The following SYT8 variants were observed in gnomAD, a reference collection of about 807,000 sequenced individuals.
SYT8 encodes the protein synaptotagmin-8.
Under a neutral mutation model 34.9 loss-of-function variants are expected in SYT8, and 50 were observed. The ratio of observed to expected loss-of-function variants is 1.43; its 90% CI spans 1.14 to 1.81. The LOEUF is 1.81. SYT8 is among the 40% of genes most tolerant of loss of function. The probability of loss-of-function intolerance (pLI) is 0.00; values close to 1 mark genes in which losing one functional copy is unlikely to be tolerated. For missense variants in SYT8, 595 were observed against 529.0 expected, an observed-to-expected ratio of 1.12 and a Z score of -1.22; for synonymous variants, 255 against 234.2, an observed-to-expected ratio of 1.09 and a Z score of -0.81.
intron 7 of SYT8, 43 bp downstream of exon 7, chr11:1,837,133 G>C: frequency 6.2e-7 from 1 of 1,605,176 alleles, no homozygotes; most frequent in Non-Finnish European, 8.5e-7. Flanking sequence ...CCCAGTGCCA[G>C]ACCACGATGA....
chr11:1,834,495 G>C (rs180969797), upstream of SYT8: 9 of 1,406,802 alleles, frequency 6.4e-6, no homozygotes, highest in Admixed American at 1.4e-4. This position sits in a 1 kb window ranked among gnomAD's most constrained non-coding sequence, Gnocchi z 4.5. Context: ...GAGCTCCGCC[G>C]ACAGCCAGCC....
upstream of SYT8, among the ~76,000 whole-genome samples, chr11:1,832,174 G>C (rs531605828): frequency 5.7e-4 from 87 of 152,334 alleles, 1 homozygote; most frequent in Non-Finnish European, 8.8e-4. Flanking sequence ...GGGGGTCCTG[G>C]GGTGACCAGG....
At chr11:1,834,921 C>T, upstream of SYT8, 1 of 648,652 alleles carries the variant, frequency 1.5e-6, no homozygotes, top group Non-Finnish European at 2.6e-6. This position sits in a 1 kb window ranked among gnomAD's most constrained non-coding sequence, Gnocchi z 4.5. Context: ...CCAGAGCCTC[C>T]CTCCCTTCAG....
chr11:1,834,399 T>C, upstream of SYT8: 1 of 666,314 alleles, frequency 1.5e-6, no homozygotes, highest in South Asian at 1.6e-5. The surrounding 1 kb of genome is among the most constrained non-coding windows in gnomAD (Gnocchi z 4.5). Flanking sequence ...ACCCTGCCCC[T>C]ACCTGCCACC....
rs1846981077 is a variant in SYT8, at chr11:1,837,020, C to A, written c.854C>A (p.Thr285Asn). Residue 285 changes from threonine to asparagine, a missense_variant, in exon 7 of 8, where the codon ACC becomes AAC. By Grantham distance (65) the Thr-to-Asn change is moderately conservative. Transcript: ENST00000341958. ...QRKWKKRKTA[T>N]KKGTAAPYFN... ...AAGTGGAAGAAGAGAAAGACAGCCA[C>A]CAAAAAGGGCACGGCGGCCCCCTAC... 2 of 1,613,770 alleles carry A rather than the reference C, an allele frequency of 1.2e-6. No individual in the cohort carries two copies. The highest frequency in any genetic ancestry group is 1.1e-5 in the South Asian group (1 of 91,094).
At chr11:1,832,121 C>T (rs1846688412), upstream of SYT8, among the ~76,000 whole-genome samples, 1 of 152,166 alleles carries the variant, frequency 6.6e-6, no homozygotes, top group South Asian at 2.1e-4. Context: ...GGGCTGGGGG[C>T]CCTAACGGGG....
chr11:1,836,399 G>A, intron 4 of SYT8, 26 bp from the exon 5 acceptor site: 1 of 1,521,302 alleles, frequency 6.6e-7, no homozygotes, highest in Non-Finnish European at 8.8e-7. Context: ...TAGGGCAGCA[G>A]GGCCTGGCTC....
upstream of SYT8, chr11:1,834,207 G>A (rs569474991): frequency 2.8e-4 from 105 of 376,820 alleles, no homozygotes; most frequent in African/African-American, 2.0e-3. This position sits in a 1 kb window ranked among gnomAD's most constrained non-coding sequence, Gnocchi z 4.5. Flanking sequence ...GGTGACAGGA[G>A]CCAGCCCAGC....
upstream of SYT8, among the ~76,000 whole-genome samples, chr11:1,832,486 G>A (rs1214873999): frequency 6.6e-6 from 1 of 152,202 alleles, no homozygotes; most frequent in Non-Finnish European, 1.5e-5. Flanking sequence ...GCAGCCCCGG[G>A]AGGCTCAGGC....
At chr11:1,834,295 C>T (rs1318421793), upstream of SYT8, 2 of 542,748 alleles carry the variant, frequency 3.7e-6, no homozygotes, top group Non-Finnish European at 6.5e-6. This position sits in a 1 kb window ranked among gnomAD's most constrained non-coding sequence, Gnocchi z 4.5. Flanking sequence ...TTCCTTCCCA[C>T]CCACATGCCG....
rs187463888 is a variant in SYT8, at chr11:1,836,659, C to T, written c.684+67C>T. The T allele has an allele frequency of 1.3e-4, 209 of 1,592,910 alleles. 1 individual carries two copies. The East Asian group carries it at 1.9e-3, about 14-fold the overall frequency. The stretch of plus-strand genomic sequence containing the variant: ...GCAGGGACCCTGCCCTATGGGCCAT[C>T]GGAAAGACAGGCCTGATGGGCAGCA... On this transcript the variant is annotated intron_variant, in intron 5 of 7. Transcript: ENST00000341958.
rs1295715387 is a variant in SYT8, at chr11:1,836,480, A to AAC, written c.572_573insAC (p.Phe193AlafsTer57). 9.9e-6 allele frequency: 16 copies of AAC among 1,610,388 alleles called. No homozygotes were observed. Among genetic ancestry groups the AAC allele is most frequent in the Non-Finnish European group, 1.3e-5 (15 of 1,179,246 alleles). On this transcript the variant is annotated frameshift_variant, in exon 5 of 8. Transcript: ENST00000341958. LOFTEE classifies it high-confidence loss of function. The stretch of plus-strand genomic sequence containing the variant: ...CTGCAGGTGCAGCTTTTCAACTTCA[A>AAC]GCGCTTCTCGGGGCATGAGCCCCTG...
At chr11:1,835,495 G>C in intron 2 of SYT8, 36 bp downstream of exon 2, 2 of 1,604,938 alleles carry the variant, frequency 1.2e-6, no homozygotes, top group Non-Finnish European at 1.7e-6. Context: ...AGTCCAGAGA[G>C]GGCTTGAAAT....
chr11:1,837,026 A>T lies in SYT8; in HGVS notation c.860A>T (p.Lys287Met). The stretch of plus-strand genomic sequence containing the variant: ...AAGAAGAGAAAGACAGCCACCAAAA[A>T]GGGCACGGCGGCCCCCTACTTCAAT... ...KWKKRKTATK[K>M]GTAAPYFNEA... Residue 287 changes from lysine (K) to methionine (M), a missense_variant, in exon 7 of 8, where the codon AAG (lysine) becomes ATG (methionine). Lys to Met is a moderately conservative substitution (Grantham distance 95, BLOSUM62 -1). Coordinates refer to ENST00000341958, the MANE Select transcript of SYT8 (RefSeq NM_001394072.1). 6.2e-7 allele frequency: 1 copy of T among 1,613,876 alleles called. No individual in the cohort carries two copies. Among genetic ancestry groups the T allele is most frequent in the South Asian group, 1.1e-5 (1 of 91,086 alleles).
intron 2 of SYT8, chr11:1,835,674 G>A (rs2133017768): frequency 2.7e-6 from 2 of 740,878 alleles, no homozygotes; most frequent in South Asian, 3.4e-5. Flanking sequence ...GCCACAGCGG[G>A]TTCTTGAGGA....
chr11:1,832,443 GAGAC>G (rs1243507183), upstream of SYT8, among the ~76,000 whole-genome samples: 2 of 152,200 alleles, frequency 1.3e-5, no homozygotes, highest in African/African-American at 4.8e-5. Flanking sequence ...AGGGCCACAG[GAGAC>G]AGACAGCCAA....
rs923565007 is a variant in SYT8 at position 1,836,055 on chromosome 11, C to A, written c.357+71C>A. 16 of 1,569,608 alleles carry A rather than the reference C, an allele frequency of 1.0e-5. No homozygotes were observed. The African/African-American group carries it at 2.1e-4, about 20-fold the overall frequency. On this transcript the variant is annotated intron_variant, in intron 3 of 7. Transcript: ENST00000341958. ...GAAAGGGTGACGGGGGAAGGGCAGACCCCATGCCCTGGGTGGTGGGGAGCT... is the reference window on the plus strand; with the variant it reads ...GAAAGGGTGACGGGGGAAGGGCAGAACCCATGCCCTGGGTGGTGGGGAGCT...
upstream of SYT8, among the ~76,000 whole-genome samples, chr11:1,833,585 C>T (rs1178599097): frequency 2.0e-5 from 3 of 152,214 alleles, no homozygotes; most frequent in South Asian, 6.2e-4. Flanking sequence ...CCATGCTGGC[C>T]TCCAGAGCCA....
chr11:1,835,139 G>A lies in SYT8; in HGVS notation c.34G>A (p.Ala12Thr), dbSNP rs1846829941. 6.2e-7 allele frequency: 1 copy of A among 1,613,446 alleles called. No individual in the cohort carries two copies. The highest frequency in any genetic ancestry group is 1.3e-5 in the African/African-American group (1 of 75,054). The change falls in exon 1 of 8, where the codon GCC (alanine) becomes ACC (threonine). Residue 12 changes from alanine (A) to threonine (T), a missense_variant. Coordinates refer to ENST00000341958, the MANE Select transcript of SYT8 (RefSeq NM_001394072.1). ...CCCACCAGTCTCTCCCAGTGCCCCG[G>A]CCCCAGCTGGCACCACAGCTATACC... ...GHPPVSPSAPAPAGTTAIPGL... is the reference protein window; with the variant it reads ...GHPPVSPSAPTPAGTTAIPGL...
Sources: gnomAD v4.1 joint callset for allele counts (sites outside exome capture counted in the v4.1 genomes callset) on GRCh38, gnomAD v4.1.1 for gene constraint, Gnocchi (gnomAD v3.1) non-coding constraint, MANE v1.5 for transcripts, NCBI Gene and HGNC (gene_info 2026-07-23, HGNC 2026-07-21) for gene names.